Variants in PHLDB2 observed in about 807,000 individuals in gnomAD.
PHLDB2 encodes pleckstrin homology like domain family B member 2.
A neutral mutation model predicts 123.6 loss-of-function variants in PHLDB2; 71 were observed. The observed-to-expected ratio is 0.57, with a 90% CI of 0.47 to 0.70. The LOEUF (loss-of-function observed/expected upper bound fraction) is 0.70. PHLDB2 is among the 30% of genes least tolerant of loss of function. The pLI is 0.00. For synonymous variants in PHLDB2, 547 were observed against 541.6 expected, an observed-to-expected ratio of 1.01 and a Z score of -0.14; for missense variants, 1,446 against 1,519.5, an observed-to-expected ratio of 0.95 and a Z score of 0.80.
chr3:111,808,492 GTTT>G (rs35656564), intron 1 of PHLDB2, among the ~76,000 whole-genome samples: 336 of 146,770 alleles, frequency 2.3e-3, no homozygotes, highest in African/African-American at 7.5e-3. Context: ...TATATTCTGG[GTTT>G]TTTTTTTTTT....
intron 2 of PHLDB2, among the ~76,000 whole-genome samples, chr3:111,895,822 G>T (rs1054984501): frequency 6.6e-6 from 1 of 151,088 alleles, no homozygotes; most frequent in Non-Finnish European, 1.5e-5. Context: ...GCAGTCTGGC[G>T]TGGGCAAAAG....
rs188701564 is a variant in PHLDB2, at chr3:111,927,986, C to T, written c.2002-4283C>T. 3.7e-3 allele frequency among the ~76,000 whole-genome samples: 561 copies of T among 152,236 alleles called. 6 individuals carry two copies. Among genetic ancestry groups the T allele is most frequent in the African/African-American group, 0.013 (540 of 41,534 alleles). On this transcript the variant is annotated intron_variant, in intron 5 of 17. Transcript: ENST00000431670. The stretch of plus-strand genomic sequence containing the variant: ...ATAAGTAGTCTTTTGACAAGCCTTG[C>T]GTTTTTAAGATCATTCAAGATTATT...
intron 1 of PHLDB2, among the ~76,000 whole-genome samples, chr3:111,871,645 TA>T (rs1019485383): frequency 1.5e-5 from 2 of 133,696 alleles, no homozygotes; most frequent in Non-Finnish European, 3.3e-5. Flanking sequence ...CAGACCCTGT[TA>T]AAAAAACAAA....
At chr3:111,741,316 G>GAA (rs2059601493) in intron 1 of PHLDB2, among the ~76,000 whole-genome samples, 1 of 152,204 alleles carries the variant, frequency 6.6e-6, no homozygotes, top group Non-Finnish European at 1.5e-5. Context: ...AGGGAAGAGG[G>GAA]GGCTTATCCA....
intron 1 of PHLDB2, among the ~76,000 whole-genome samples, chr3:111,767,980 T>C (rs944910369): frequency 7.9e-5 from 12 of 152,126 alleles, no homozygotes; most frequent in Non-Finnish European, 1.3e-4. Context: ...TAGGATGTGA[T>C]AAAGGTTGAG....
At chr3:111,943,883 T>G (rs1029129953) in intron 8 of PHLDB2, among the ~76,000 whole-genome samples, 1 of 152,212 alleles carries the variant, frequency 6.6e-6, no homozygotes, top group Non-Finnish European at 1.5e-5. Context: ...ATTTACACAA[T>G]ATAAATGAAA....
At chr3:111,802,240 T>C (rs2061405722) in intron 1 of PHLDB2, among the ~76,000 whole-genome samples, 1 of 152,204 alleles carries the variant, frequency 6.6e-6, no homozygotes, top group Admixed American at 6.5e-5. Flanking sequence ...TGTGCTTACA[T>C]ACAAGAAACC....
intron 2 of PHLDB2, among the ~76,000 whole-genome samples, chr3:111,909,359 A>G (rs2067743736): frequency 6.6e-6 from 1 of 152,034 alleles, no homozygotes; most frequent in Middle Eastern, 3.2e-3. Context: ...GTGAGAGGCC[A>G]AGGTGAGAGG....
chr3:111,948,453 C>T lies in PHLDB2; in HGVS notation c.2488-479C>T, dbSNP rs890832558. Among the ~76,000 whole-genome samples the T allele has an allele frequency of 5.3e-5, 8 of 152,266 alleles. No individual in the cohort carries two copies. The East Asian group carries it at 7.7e-4, about 15-fold the overall frequency. ...ACCCAGTAGCCCTCAGCCCATTTTC[C>T]TCACACTTTAATTCATCAGGAAACA... On this transcript the variant is annotated intron_variant, in intron 9 of 17. Transcript: ENST00000431670.
intron 9 of PHLDB2, among the ~76,000 whole-genome samples, chr3:111,945,948 A>G (rs1350180928): frequency 6.6e-6 from 1 of 152,058 alleles, no homozygotes; most frequent in Admixed American, 6.6e-5. Flanking sequence ...TGCCCACCAG[A>G]TATCTTAAGG....
chr3:111,819,233 G>A (rs1006357009), intron 1 of PHLDB2, among the ~76,000 whole-genome samples: 1 of 152,070 alleles, frequency 6.6e-6, no homozygotes, highest in African/African-American at 2.4e-5. Flanking sequence ...CTGGGGGTTA[G>A]GGCTTCCACG....
At chr3:111,813,592 C>G (rs895079690) in intron 1 of PHLDB2, among the ~76,000 whole-genome samples, 3 of 152,026 alleles carry the variant, frequency 2.0e-5, no homozygotes, top group African/African-American at 7.2e-5. Context: ...TTATACAAAT[C>G]TTTGGAATTC....
chr3:111,750,166 A>G (rs1390548715), intron 1 of PHLDB2, among the ~76,000 whole-genome samples: 1 of 152,258 alleles, frequency 6.6e-6, no homozygotes, highest in Non-Finnish European at 1.5e-5. Flanking sequence ...AGTATATGGA[A>G]TGAAATGATA....
chr3:111,935,134 C>G lies in PHLDB2; in HGVS notation c.2130+2737C>G, dbSNP rs533021614. Among the ~76,000 whole-genome samples, 58 of 112,262 alleles carry G rather than the reference C, an allele frequency of 5.2e-4. No homozygotes were observed. The East Asian group carries it at 0.015, about 29-fold the overall frequency. The allele number at this position is 112,262 out of a possible 152,430, so 73.6% of individuals were successfully genotyped here. Reference sequence around the variant, plus strand: ...TTTTTTTTTGAGACAGAGTCTTGCTCTGTCACCCAGGCTGGAGGGTAGTAG... The same window carrying G: ...TTTTTTTTTGAGACAGAGTCTTGCTGTGTCACCCAGGCTGGAGGGTAGTAG... On this transcript the variant is annotated intron_variant, in intron 6 of 17. Coordinates refer to ENST00000431670, the MANE Select transcript of PHLDB2 (RefSeq NM_001134438.2).
At chr3:111,826,507 C>G (rs1576759411) in intron 1 of PHLDB2, among the ~76,000 whole-genome samples, 2 of 152,010 alleles carry the variant, frequency 1.3e-5, no homozygotes, top group East Asian at 3.9e-4. Context: ...GTGGGCAATC[C>G]TAAACACTTG....
At chr3:111,942,691 C>A (rs2069987746) in intron 8 of PHLDB2, among the ~76,000 whole-genome samples, 1 of 152,032 alleles carries the variant, frequency 6.6e-6, no homozygotes, top group South Asian at 2.1e-4. Context: ...TGCAAGAAGG[C>A]TGTGAAGGGC....
intron 12 of PHLDB2, 200 bp from the exon 13 acceptor site, chr3:111,961,908 T>A: frequency 1.9e-6 from 1 of 531,684 alleles, no homozygotes; most frequent in Non-Finnish European, 3.2e-6. Flanking sequence ...GGTAAGAGAC[T>A]CAGCAGACCA....
chr3:111,782,950 A>G (rs1019536652), intron 1 of PHLDB2, among the ~76,000 whole-genome samples: 2 of 152,188 alleles, frequency 1.3e-5, no homozygotes, highest in Non-Finnish European at 2.9e-5. Context: ...AGTCTTGCAT[A>G]CTAACCTTAT....
At chr3:111,757,548 C>T (rs6764720) in intron 1 of PHLDB2, among the ~76,000 whole-genome samples, 5 of 151,874 alleles carry the variant, frequency 3.3e-5, no homozygotes, top group African/African-American at 1.2e-4. Context: ...GTAGTTTGAT[C>T]GTCTGAAGCC....
Sources: gnomAD v4.1 joint callset for allele counts (sites outside exome capture counted in the v4.1 genomes callset) on GRCh38, gnomAD v4.1.1 for gene constraint, MANE v1.5 for transcripts, NCBI Gene and HGNC (gene_info 2026-07-23, HGNC 2026-07-21) for gene names.